Variants in RAB1B observed in about 807,000 individuals in gnomAD.
RAB1B encodes RAB1B, member RAS oncogene family, also known as ras-related protein Rab-1B.
Under a neutral mutation model 24.8 loss-of-function variants are expected in RAB1B, and 10 were observed. The ratio of observed to expected loss-of-function variants is 0.40; its 90% confidence interval spans 0.25 to 0.68. The LOEUF (loss-of-function observed/expected upper bound fraction) is 0.68, where lower values mean the gene tolerates loss of function less well. RAB1B is among the 30% of genes least tolerant of loss of function. The pLI, the probability that RAB1B is intolerant of heterozygous loss-of-function variation, is 0.37. For synonymous variants in RAB1B, 99 were observed against 111.7 expected, an observed-to-expected ratio of 0.89 and a Z score of 0.72; for missense variants, 154 against 271.2, an observed-to-expected ratio of 0.57 and a Z score of 3.04.
intron 2 of RAB1B, 123 bp downstream of exon 2, chr11:66,271,992 C>A: frequency 3.1e-6 from 3 of 952,456 alleles, no homozygotes; most frequent in Non-Finnish European, 3.4e-6. Flanking sequence ...GTAAGACCTG[C>A]CACCAGCACA....
chr11:66,271,560 C>A, intron 1 of RAB1B: 1 of 336,616 alleles, frequency 3.0e-6, no homozygotes. Flanking sequence ...GTCCCAGCTA[C>A]GCAGGAAGCT....
chr11:66,273,364 C>A (rs1373176757), intron 4 of RAB1B, among the ~76,000 whole-genome samples: 1 of 152,238 alleles, frequency 6.6e-6, no homozygotes. Context: ...AGACAAGTTA[C>A]CAGGGCCCAC....
chr11:66,271,669 G>A, intron 1 of RAB1B, 128 bp from the exon 2 acceptor site: 1 of 652,646 alleles, frequency 1.5e-6, no homozygotes, highest in Admixed American at 2.5e-5. Flanking sequence ...AGACCTTATT[G>A]CTAAAAAAAA....
chr11:66,272,035 A>T, intron 2 of RAB1B, 122 bp from the exon 3 acceptor site: 2 of 960,330 alleles, frequency 2.1e-6, no homozygotes, highest in East Asian at 4.8e-5. Flanking sequence ...TGGCCAGCTG[A>T]GTGCTGGGAA....
intron 4 of RAB1B, 89 bp downstream of exon 4, chr11:66,272,549 A>T (rs1590884996): frequency 2.3e-6 from 2 of 866,326 alleles, no homozygotes; most frequent in East Asian, 2.5e-5. Flanking sequence ...CTCTTTCCTG[A>T]TGCTTCCTGG....
rs1438193209 is a variant in RAB1B, at chr11:66,276,327, G to A, written c.*89G>A. 2 of 1,286,934 alleles carry A rather than the reference G, an allele frequency of 1.6e-6. No homozygotes were observed. The highest frequency in any genetic ancestry group is 2.5e-5 in the East Asian group (1 of 39,436). The allele number at this position is 1,286,934 out of a possible 1,614,324, so 79.7% of individuals were successfully genotyped here. ...GGAGGTACCTCCCTCTCCCTCTCCT[G>A]GGGCATTTGAGTCTGTGGCTTTGGG... On this transcript the variant is annotated 3_prime_UTR_variant, in exon 6 of 6. Transcript: ENST00000311481.
chr11:66,275,609 C>G (rs771504546), intron 4 of RAB1B, among the ~76,000 whole-genome samples, 195 bp from the exon 5 acceptor site: 1 of 152,112 alleles, frequency 6.6e-6, no homozygotes, highest in Non-Finnish European at 1.5e-5. Context: ...TGGGGCTGTT[C>G]TGGGTCTCGG....
intron 1 of RAB1B, chr11:66,270,154 T>G (rs1274983468): frequency 1.3e-5 from 2 of 152,170 alleles, no homozygotes; most frequent in Admixed American, 1.3e-4. Context: ...GGATTACAGG[T>G]GTCAGTCACT....
At chr11:66,270,230 GTTTT>G (rs768127067) in intron 1 of RAB1B, 1 of 112,222 alleles carries the variant, frequency 8.9e-6, no homozygotes, top group African/African-American at 3.5e-5. Flanking sequence ...TTCATAACAG[GTTTT>G]TGTTGTTGTT....
chr11:66,272,552 C>A, intron 4 of RAB1B, 92 bp downstream of exon 4: 1 of 850,412 alleles, frequency 1.2e-6, no homozygotes, highest in Non-Finnish European at 1.8e-6. Flanking sequence ...TTTCCTGATG[C>A]TTCCTGGAAA....
chr11:66,274,002 TCTCA>T (rs1053464894), intron 4 of RAB1B, among the ~76,000 whole-genome samples: 1 of 152,038 alleles, frequency 6.6e-6, no homozygotes, highest in African/African-American at 2.4e-5. Flanking sequence ...AGACATGGGG[TCTCA>T]CTCTGTCACC....
In RAB1B at chr11:66,268,663, G is replaced by C. The variant is rs536470200; in HGVS notation, c.-17G>C. The C allele has an allele frequency of 1.3e-6, 2 of 1,563,146 alleles. No individual in the cohort carries two copies. Among genetic ancestry groups the C allele is most frequent in the South Asian group, 1.2e-5 (1 of 84,192 alleles). On this transcript the variant is annotated 5_prime_UTR_variant, in exon 1 of 6. Transcript: ENST00000311481. ...CAGAGTCGACTGGGAGCGACCGAGC[G>C]GGCCGCCGCCGCCGCCATGAACCCC...
At chr11:66,271,610 G>T in intron 1 of RAB1B, 187 bp from the exon 2 acceptor site, 1 of 521,862 alleles carries the variant, frequency 1.9e-6, no homozygotes. Context: ...GGTAGAGGCT[G>T]CAATGAGCCG....
At chr11:66,269,329 A>T (rs1291773464) in intron 1 of RAB1B, among the ~76,000 whole-genome samples, 2 of 151,674 alleles carry the variant, frequency 1.3e-5, no homozygotes, top group African/African-American at 2.4e-5. Flanking sequence ...CAGGCCCCCA[A>T]CGCCACCGTC....
At chr11:66,275,961 G>A (rs1210366505) in intron 5 of RAB1B, 26 bp downstream of exon 5, 2 of 1,609,822 alleles carry the variant, frequency 1.2e-6, no homozygotes, top group South Asian at 2.2e-5. Flanking sequence ...GTCTGCCCGG[G>A]GTCGGGGCGC....
chr11:66,274,339 C>T (rs573544907), intron 4 of RAB1B, among the ~76,000 whole-genome samples: 1 of 152,326 alleles, frequency 6.6e-6, no homozygotes, highest in Admixed American at 6.5e-5. Context: ...TGTGTTCATT[C>T]TCTTCATGCT....
At chr11:66,270,223 A>G (rs561483890) in intron 1 of RAB1B, 1 of 151,756 alleles carries the variant, frequency 6.6e-6, no homozygotes, top group Non-Finnish European at 1.5e-5. Flanking sequence ...TGGTGACTTC[A>G]TAACAGGTTT....
At chr11:66,268,829 C>CCT in intron 1 of RAB1B, 136 bp downstream of exon 1, 1 of 947,418 alleles carries the variant, frequency 1.1e-6, no homozygotes, top group East Asian at 3.3e-5. Flanking sequence ...CTGACCCCCC[C>CCT]CCACATCCGG....
intron 1 of RAB1B, 73 bp from the exon 2 acceptor site, chr11:66,271,724 G>T: frequency 9.2e-7 from 1 of 1,084,578 alleles, no homozygotes. Context: ...GGGGAATCCT[G>T]TAATTGTGAC....
Sources: gnomAD v4.1 joint callset for allele counts (sites outside exome capture counted in the v4.1 genomes callset) on GRCh38, gnomAD v4.1.1 for gene constraint, MANE v1.5 for transcripts, NCBI Gene and HGNC (gene_info 2026-07-23, HGNC 2026-07-21) for gene names.